The following CDK14 variants were observed in gnomAD, a reference collection of about 807,000 sequenced individuals.
CDK14 encodes cyclin-dependent kinase 14.
CDK14 carries 34 observed loss-of-function variants against 60.7 expected under a neutral mutation model. That is an observed-to-expected ratio of 0.56 (90% CI 0.43 to 0.75). The LOEUF is 0.75. Ranked by LOEUF, CDK14 falls within the 30% of genes least tolerant of loss-of-function variation. CDK14 has a pLI of 0.00. For synonymous variants in CDK14, 197 were observed against 203.7 expected (o/e 0.97, Z 0.28); for missense variants, 482 against 564.1 (o/e 0.85, Z 1.47).
At chr7:91,134,619 A>C (rs897076205) in intron 14 of CDK14, among the ~76,000 whole-genome samples, 2 of 152,142 alleles carry the variant, frequency 1.3e-5, no homozygotes, top group Non-Finnish European at 2.9e-5. Flanking sequence ...CACACCTGTA[A>C]TCCCAGCAAT....
chr7:91,040,116 C>T (rs1317121886), intron 10 of CDK14, among the ~76,000 whole-genome samples: 2 of 152,140 alleles, frequency 1.3e-5, no homozygotes, highest in South Asian at 2.1e-4. Context: ...CACCATCACC[C>T]ATGAGGCCAC....
At chr7:90,866,515 TA>T (rs1306833928) in intron 6 of CDK14, among the ~76,000 whole-genome samples, 1 of 152,134 alleles carries the variant, frequency 6.6e-6, no homozygotes, top group Non-Finnish European at 1.5e-5. Context: ...GACGGGAAAG[TA>T]AAATAATTTA....
intron 6 of CDK14, among the ~76,000 whole-genome samples, chr7:90,893,749 G>A (rs1425819589): frequency 6.6e-6 from 1 of 152,174 alleles, no homozygotes; most frequent in African/African-American, 2.4e-5. Flanking sequence ...TTTAGTTTAG[G>A]TAAAATAGAA....
chr7:90,639,598 A>G (rs1800263543), intron 2 of CDK14, among the ~76,000 whole-genome samples: 1 of 150,906 alleles, frequency 6.6e-6, no homozygotes, highest in African/African-American at 2.4e-5. Context: ...CCACTTGAGG[A>G]GGCAGTCTGC....
chr7:90,789,397 A>T (rs1327060334), intron 4 of CDK14, among the ~76,000 whole-genome samples: 1 of 152,086 alleles, frequency 6.6e-6, no homozygotes, highest in Non-Finnish European at 1.5e-5. Context: ...GTAAGTCTAT[A>T]TATCTTGTAC....
At chr7:90,895,947 C>T (rs1792324276) in intron 6 of CDK14, among the ~76,000 whole-genome samples, 1 of 151,684 alleles carries the variant, frequency 6.6e-6, no homozygotes, top group African/African-American at 2.4e-5. Flanking sequence ...TCAGACTTGC[C>T]AAAGGTTGGT....
At chr7:90,703,078 C>T (rs1269409452) in intron 2 of CDK14, among the ~76,000 whole-genome samples, 1 of 150,032 alleles carries the variant, frequency 6.7e-6, no homozygotes, top group Admixed American at 6.7e-5. Flanking sequence ...GCAAATGAGA[C>T]TTAGCTTCTT....
chr7:91,031,948 C>T (rs978261414), intron 10 of CDK14, among the ~76,000 whole-genome samples: 13 of 152,174 alleles, frequency 8.5e-5, no homozygotes, highest in South Asian at 6.2e-4. Context: ...ACTCACCTTC[C>T]GTCTGTCAGT....
At chr7:90,645,815 G>C (rs1037922507) in intron 2 of CDK14, among the ~76,000 whole-genome samples, 1 of 152,176 alleles carries the variant, frequency 6.6e-6, no homozygotes, top group Non-Finnish European at 1.5e-5. Context: ...GAGAAAAAGA[G>C]AAAAAAGAAC....
chr7:91,173,969 C>A (rs1248675348), intron 14 of CDK14, among the ~76,000 whole-genome samples: 1 of 152,168 alleles, frequency 6.6e-6, no homozygotes, highest in African/African-American at 2.4e-5. Flanking sequence ...CTCAAGGAGG[C>A]CTGCCTGCCT....
rs550918071 is a variant in CDK14, at chr7:90,831,025, C to T, written c.545-32150C>T. ...GTCTTTAGGAAATTCCTAGCTTTCA[C>T]GCAACTTTCTGTCTTCTGAGCCTTC... On this transcript the variant is annotated intron_variant, in intron 5 of 14. Transcript: ENST00000380050. Among the ~76,000 whole-genome samples, 32 of 152,276 alleles carry T rather than the reference C, an allele frequency of 2.1e-4. No homozygotes were observed. In the Middle Eastern group the frequency reaches 0.014, roughly 65 times the overall value.
chr7:90,751,401 T>C (rs1803839689), intron 4 of CDK14, among the ~76,000 whole-genome samples: 1 of 152,102 alleles, frequency 6.6e-6, no homozygotes, highest in South Asian at 2.1e-4. Flanking sequence ...CGGCCAAGAA[T>C]TTCATATCCC....
chr7:90,926,949 T>C (rs1437960955), intron 8 of CDK14, among the ~76,000 whole-genome samples: 1 of 152,092 alleles, frequency 6.6e-6, no homozygotes, highest in Non-Finnish European at 1.5e-5. Flanking sequence ...TGGTTGACTA[T>C]AAAGGATACA....
intron 9 of CDK14, among the ~76,000 whole-genome samples, chr7:90,960,183 A>AT (rs1284455307): frequency 6.6e-6 from 1 of 152,084 alleles, no homozygotes; most frequent in Non-Finnish European, 1.5e-5. Flanking sequence ...AATAGGGTTA[A>AT]TTTTTAAAAT....
intron 7 of CDK14, among the ~76,000 whole-genome samples, chr7:90,911,439 C>G (rs1271918542): frequency 6.6e-6 from 1 of 152,128 alleles, no homozygotes; most frequent in Non-Finnish European, 1.5e-5. Flanking sequence ...CTGCTGTGTT[C>G]TAAATGGTAG....
chr7:90,971,650 T>C (rs1331663371), intron 9 of CDK14, among the ~76,000 whole-genome samples: 1 of 107,822 alleles, frequency 9.3e-6, no homozygotes, highest in Non-Finnish European at 1.9e-5. Context: ...TGCATATACA[T>C]AGTAAAAAAA....
chr7:91,166,883 A>G (rs1246907755), intron 14 of CDK14, among the ~76,000 whole-genome samples: 1 of 152,196 alleles, frequency 6.6e-6, no homozygotes, highest in East Asian at 1.9e-4. Context: ...ATCACCAGTG[A>G]GGGCAACCGC....
At chr7:90,974,668 ATAAT>A (rs1194937549) in intron 9 of CDK14, among the ~76,000 whole-genome samples, 1 of 152,198 alleles carries the variant, frequency 6.6e-6, no homozygotes, top group Non-Finnish European at 1.5e-5. Flanking sequence ...CTCATGTGAT[ATAAT>A]TATTTATTGA....
At chr7:91,173,130 A>G (rs996718591) in intron 14 of CDK14, among the ~76,000 whole-genome samples, 7 of 151,564 alleles carry the variant, frequency 4.6e-5, no homozygotes, top group African/African-American at 1.7e-4. Context: ...AAACTTCCAT[A>G]TAACAAACAA....
Sources: gnomAD v4.1 joint callset for allele counts (sites outside exome capture counted in the v4.1 genomes callset) on GRCh38, gnomAD v4.1.1 for gene constraint, MANE v1.5 for transcripts, NCBI Gene and HGNC (gene_info 2026-07-23, HGNC 2026-07-21) for gene names.